Variants in ADAMTSL1 observed in about 807,000 individuals in gnomAD.
ADAMTSL1 encodes the protein ADAMTS like 1, also known as ADAMTS-like protein 1.
Under a neutral mutation model 201.8 loss-of-function variants are expected in ADAMTSL1, and 126 were observed. The ratio of observed to expected loss-of-function variants is 0.62; its 90% CI spans 0.54 to 0.72. ADAMTSL1 has a LOEUF of 0.72. Ranked by LOEUF, ADAMTSL1 falls within the 30% of genes least tolerant of loss-of-function variation. The probability of loss-of-function intolerance (pLI) is 0.00; values close to 1 mark genes in which losing one functional copy is unlikely to be tolerated. For synonymous variants in ADAMTSL1, 1,121 were observed against 903.4 expected (o/e 1.24, Z -4.32); for missense variants, 2,679 against 2,277.8 (o/e 1.18, Z -3.59).
intron 2 of ADAMTSL1, among the ~76,000 whole-genome samples, chr9:18,358,184 T>C (rs938350490): frequency 8.5e-5 from 13 of 152,178 alleles, no homozygotes; most frequent in African/African-American, 2.4e-4. Context: ...GAGAAATATA[T>C]TAGGTACATA....
chr9:18,284,488 C>G (rs1226571717), intron 2 of ADAMTSL1, among the ~76,000 whole-genome samples: 4 of 152,018 alleles, frequency 2.6e-5, no homozygotes, highest in Non-Finnish European at 5.9e-5. Context: ...ATCAGAATTA[C>G]TTGTATTACT....
chr9:18,012,887 T>C (rs919620662), intron 1 of ADAMTSL1, among the ~76,000 whole-genome samples: 1 of 152,064 alleles, frequency 6.6e-6, no homozygotes, highest in Non-Finnish European at 1.5e-5. Context: ...TTTTACTCAG[T>C]AATGGCATTT....
At chr9:18,206,963 G>T (rs972963822) in intron 2 of ADAMTSL1, among the ~76,000 whole-genome samples, 27 of 152,032 alleles carry the variant, frequency 1.8e-4, no homozygotes, top group African/African-American at 6.0e-4. Flanking sequence ...TCAGGAGTTT[G>T]AGATCAGCCT....
intron 13 of ADAMTSL1, among the ~76,000 whole-genome samples, chr9:18,704,064 C>A (rs528315671): frequency 6.6e-6 from 1 of 152,086 alleles, no homozygotes; most frequent in East Asian, 1.9e-4. Context: ...GATCTCAATG[C>A]GTTTGTATCT....
At chr9:18,293,103 C>T (rs1016178775) in intron 2 of ADAMTSL1, among the ~76,000 whole-genome samples, 1 of 152,158 alleles carries the variant, frequency 6.6e-6, no homozygotes, top group Admixed American at 6.5e-5. Flanking sequence ...TCTTATTCTT[C>T]TTTATGGCTG....
At chr9:18,892,037 C>T (rs1829308297) in intron 25 of ADAMTSL1, among the ~76,000 whole-genome samples, 1 of 152,202 alleles carries the variant, frequency 6.6e-6, no homozygotes, top group African/African-American at 2.4e-5. Context: ...CCACATCACT[C>T]CACATTCAGC....
At chr9:18,514,327 CTTTTTTTT>C (rs397963773) in intron 2 of ADAMTSL1, among the ~76,000 whole-genome samples, 10 of 100,104 alleles carry the variant, frequency 1.0e-4, no homozygotes, top group Non-Finnish European at 4.1e-5. Flanking sequence ...ATTTTTCTTT[CTTTTTTTT>C]TTTTTTTTTT....
At chr9:17,982,946 G>GA (rs1383842076) in intron 1 of ADAMTSL1, among the ~76,000 whole-genome samples, 10 of 149,184 alleles carry the variant, frequency 6.7e-5, no homozygotes, top group East Asian at 2.0e-4. Flanking sequence ...GAACAGCTTG[G>GA]AAAAAAAAAT....
chr9:17,925,761 C>G (rs1403026979), intron 1 of ADAMTSL1, among the ~76,000 whole-genome samples: 3 of 146,216 alleles, frequency 2.1e-5, no homozygotes, highest in African/African-American at 5.1e-5. Context: ...TGCTAGATGA[C>G]GAGTTAGTGG....
chr9:18,213,849 C>T (rs1261237750), intron 2 of ADAMTSL1, among the ~76,000 whole-genome samples: 1 of 152,100 alleles, frequency 6.6e-6, no homozygotes, highest in Non-Finnish European at 1.5e-5. Context: ...AAGCAATTCC[C>T]CTGCCTCAGC....
At chr9:17,923,531 C>T (rs1462616285) in intron 1 of ADAMTSL1, among the ~76,000 whole-genome samples, 1 of 151,876 alleles carries the variant, frequency 6.6e-6, no homozygotes, top group Non-Finnish European at 1.5e-5. Context: ...TGGGCTGAGA[C>T]AATGGGGTTT....
chr9:18,274,132 A>G (rs1332508738), intron 2 of ADAMTSL1, among the ~76,000 whole-genome samples: 1 of 152,256 alleles, frequency 6.6e-6, no homozygotes, highest in East Asian at 1.9e-4. Flanking sequence ...TGCAAAAGCA[A>G]GAAGTGTGAG....
At chr9:18,489,599 A>G (rs1007117825) in intron 1 of ADAMTSL1, among the ~76,000 whole-genome samples, 2 of 152,202 alleles carry the variant, frequency 1.3e-5, no homozygotes, top group African/African-American at 4.8e-5. Context: ...CCTGAGCCCA[A>G]TTTGAAGGGA....
intron 2 of ADAMTSL1, among the ~76,000 whole-genome samples, chr9:18,418,948 C>T (rs1402105405): frequency 2.6e-5 from 4 of 152,152 alleles, no homozygotes; most frequent in African/African-American, 4.8e-5. Flanking sequence ...TACTATAAAG[C>T]TTCAGTTGTC....
intron 2 of ADAMTSL1, among the ~76,000 whole-genome samples, chr9:18,290,294 T>TTTC (rs1554651058): frequency 5.9e-5 from 9 of 151,584 alleles, no homozygotes; most frequent in African/African-American, 9.7e-5. Flanking sequence ...TTTTTTTTTT[T>TTTC]CTAGTGCTGC....
At chr9:18,254,389 A>G (rs1160270194) in intron 2 of ADAMTSL1, among the ~76,000 whole-genome samples, 18 of 86,352 alleles carry the variant, frequency 2.1e-4, no homozygotes, top group African/African-American at 4.8e-4. Context: ...TTGAGATGGA[A>G]TCTCGCTCTG....
intron 2 of ADAMTSL1, among the ~76,000 whole-genome samples, chr9:18,227,477 T>C (rs979840192): frequency 6.6e-6 from 1 of 152,200 alleles, no homozygotes; most frequent in Non-Finnish European, 1.5e-5. Context: ...TAGTACATTT[T>C]ATTCATTTAC....
chr9:18,708,279 A>T (rs150107856), intron 14 of ADAMTSL1, among the ~76,000 whole-genome samples: 3 of 152,224 alleles, frequency 2.0e-5, no homozygotes, highest in Non-Finnish European at 2.9e-5. Flanking sequence ...CAAAGAATCA[A>T]TTTTCTCCAG....
chr9:18,889,845 G>C (rs1373905870), intron 25 of ADAMTSL1, 97 bp downstream of exon 25: 1 of 1,223,910 alleles, frequency 8.2e-7, no homozygotes, highest in Non-Finnish European at 1.1e-6. Context: ...CACTGTGCAG[G>C]GAGAGATGCC....
Sources: gnomAD v4.1 joint callset for allele counts (sites outside exome capture counted in the v4.1 genomes callset) on GRCh38, gnomAD v4.1.1 for gene constraint, MANE v1.5 for transcripts, NCBI Gene and HGNC (gene_info 2026-07-23, HGNC 2026-07-21) for gene names.